SGSM1: variants seen among roughly 807,000 people sequenced by gnomAD.
The protein encoded by SGSM1 is small G protein signaling modulator 1.
Under a neutral mutation model 133.8 loss-of-function variants are expected in SGSM1, and 73 were observed. The ratio of observed to expected loss-of-function variants is 0.55; its 90% CI spans 0.45 to 0.66. The LOEUF is 0.66. Ranked by LOEUF, SGSM1 falls within the 30% of genes least tolerant of loss-of-function variation. SGSM1 has a pLI of 0.00. For missense variants in SGSM1, 1,213 were observed against 1,448.1 expected, an observed-to-expected ratio of 0.84 and a Z score of 2.64; for synonymous variants, 563 against 573.0, an observed-to-expected ratio of 0.98 and a Z score of 0.25.
At chr22:24,817,351 C>CTTT (rs61046307) in intron 2 of SGSM1, among the ~76,000 whole-genome samples, 1 of 149,218 alleles carries the variant, frequency 6.7e-6, no homozygotes, top group Non-Finnish European at 1.5e-5. Context: ...AGATCCTCAG[C>CTTT]TTTTTTTTTC....
At chr22:24,873,718 T>C (rs976021875) in intron 12 of SGSM1, among the ~76,000 whole-genome samples, 1 of 152,260 alleles carries the variant, frequency 6.6e-6, no homozygotes, top group African/African-American at 2.4e-5. Context: ...CTGGCCATGC[T>C]GGCACGTGCG....
intron 2 of SGSM1, among the ~76,000 whole-genome samples, chr22:24,816,931 G>A (rs201971162): frequency 2.6e-5 from 4 of 152,176 alleles, no homozygotes; most frequent in African/African-American, 9.7e-5. Flanking sequence ...CTTGGGATTT[G>A]GTCTCACTGG....
chr22:24,891,690 G>T (rs1932816721), intron 16 of SGSM1, among the ~76,000 whole-genome samples: 1 of 152,136 alleles, frequency 6.6e-6, no homozygotes, highest in Non-Finnish European at 1.5e-5. Flanking sequence ...TTTCATGGGG[G>T]TTGTGGTGGT....
chr22:24,859,421 AACCTGGGGTCAGGG>A (rs2147859601), intron 8 of SGSM1, among the ~76,000 whole-genome samples: 1 of 152,284 alleles, frequency 6.6e-6, no homozygotes, highest in Admixed American at 6.5e-5. Flanking sequence ...GCTCTGAAGG[AACCTGGGGTCAGGG>A]ACCCTGGAGC....
At chr22:24,883,194 G>A (rs970989732) in intron 14 of SGSM1, among the ~76,000 whole-genome samples, 1 of 151,956 alleles carries the variant, frequency 6.6e-6, no homozygotes, top group Non-Finnish European at 1.5e-5. Context: ...ATGAGCCACC[G>A]CGCACGGCCA....
intron 6 of SGSM1, 78 bp downstream of exon 6, chr22:24,855,141 A>C: frequency 2.6e-6 from 4 of 1,555,504 alleles, no homozygotes; most frequent in Non-Finnish European, 3.5e-6. Flanking sequence ...GGACTCTCTC[A>C]CCCCTGTCCA....
In SGSM1 at chr22:24,924,370, T is replaced by TG; in HGVS notation, c.*96_*97insG. 5.8e-6 allele frequency: 6 copies of TG among 1,035,972 alleles called. No homozygotes were observed. The highest frequency in any genetic ancestry group is 8.9e-6 in the Non-Finnish European group (6 of 677,330). The allele number at this position is 1,035,972 out of a possible 1,614,324, so 64.2% of individuals were successfully genotyped here. A position where few individuals can be genotyped will look rare whatever the true frequency, so the allele number is the denominator to read the frequency against. On this transcript the variant is annotated 3_prime_UTR_variant, in exon 25 of 25. Coordinates refer to ENST00000400358, the MANE Select transcript of SGSM1 (RefSeq NM_001098497.3). ...CTGGATGGGCACCCCGGGAGCGGGG[T>TG]CCTGGTGTCTGTTCACAAGCGTGGA... is the stretch of plus-strand genomic sequence containing the variant.
chr22:24,857,394 C>T (rs1430316829), intron 8 of SGSM1, among the ~76,000 whole-genome samples: 4 of 119,412 alleles, frequency 3.3e-5, no homozygotes, highest in East Asian at 4.8e-4. Flanking sequence ...GGCAACAGAG[C>T]GAGACTCTGT....
chr22:24,903,240 G>A (rs995329392), intron 20 of SGSM1, among the ~76,000 whole-genome samples: 6 of 149,714 alleles, frequency 4.0e-5, no homozygotes, highest in Admixed American at 6.7e-5. Flanking sequence ...ATGGAGTCTC[G>A]CTCTGTTGCC....
At chr22:24,863,629 G>C (rs1358190189) in intron 9 of SGSM1, among the ~76,000 whole-genome samples, 1 of 152,188 alleles carries the variant, frequency 6.6e-6, no homozygotes, top group Non-Finnish European at 1.5e-5. Context: ...GTGGGGGTTG[G>C]TGTGTCGGGA....
At chr22:24,825,083 C>T (rs1282874554) in intron 2 of SGSM1, among the ~76,000 whole-genome samples, 1 of 152,104 alleles carries the variant, frequency 6.6e-6, no homozygotes, top group Non-Finnish European at 1.5e-5. Context: ...ATGGGGAGTC[C>T]AGGAAGGCTT....
chr22:24,908,870 T>C (rs906406021), intron 21 of SGSM1, among the ~76,000 whole-genome samples: 5 of 145,702 alleles, frequency 3.4e-5, no homozygotes, highest in African/African-American at 1.0e-4. Context: ...CATTTCTCAA[T>C]AGAATTGAAG....
At position 24,919,846 on chromosome 22, in the gene SGSM1, T is replaced by G. The variant is rs764253203; in HGVS notation, c.3046T>G (p.Phe1016Val). ...GGCAGAACTCGTCTATGATGACGTC[T>G]TCTTGGTCTGGGAGACCATCTGGGC... ...FKRELVYDDV[F>V]LVWETIWAAK... is the part of the protein sequence containing the mutation. The change falls in exon 24 of 25, where the codon TTC (phenylalanine) becomes GTC (valine). Residue 1016 changes from phenylalanine to valine, a missense_variant. By Grantham distance (50) the Phe-to-Val change is conservative (BLOSUM62 -1). Coordinates refer to ENST00000400358, the MANE Select transcript of SGSM1 (RefSeq NM_001098497.3). 1.2e-6 allele frequency: 2 copies of G among 1,614,072 alleles called. No individual in the cohort carries two copies. The highest frequency in any genetic ancestry group is 1.1e-5 in the South Asian group (1 of 91,092).
chr22:24,886,158 C>T (rs1932584940), intron 15 of SGSM1, among the ~76,000 whole-genome samples: 1 of 151,662 alleles, frequency 6.6e-6, no homozygotes, highest in South Asian at 2.1e-4. Flanking sequence ...GGGCGAATCA[C>T]CTGAGATCAG....
Position 24,806,364 on chromosome 22 carries a change from G to A in SGSM1, c.19+20G>A, listed in dbSNP as rs759265873. On this transcript the variant is annotated intron_variant, in intron 1 of 24. Coordinates refer to ENST00000400358, the MANE Select transcript of SGSM1 (RefSeq NM_001098497.3). ...CCGCGGGTAAGAGGCCGCTGGACAC[G>A]AGGGCGGCGGGAGGGCAGCGCCCGG... The A allele has an allele frequency of 2.0e-6, 3 of 1,500,302 alleles. No individual in the cohort carries two copies. The highest frequency in any genetic ancestry group is 2.7e-6 in the Non-Finnish European group (3 of 1,125,396). The allele number at this position is 1,500,302 out of a possible 1,614,324, so 92.9% of individuals were successfully genotyped here. A position where few individuals can be genotyped will look rare whatever the true frequency, so the allele number is the denominator to read the frequency against.
intron 2 of SGSM1, among the ~76,000 whole-genome samples, chr22:24,827,817 C>T (rs144871087): frequency 1.3e-5 from 2 of 152,168 alleles, no homozygotes; most frequent in African/African-American, 4.8e-5. Flanking sequence ...GCTGAGGATT[C>T]GACTCCAAGT....
chr22:24,914,913 G>C (rs1399967480), intron 22 of SGSM1, among the ~76,000 whole-genome samples: 1 of 151,662 alleles, frequency 6.6e-6, no homozygotes. Context: ...GGGGAATTTG[G>C]GGTTTTGTTT....
At chr22:24,809,354 A>G (rs1225357784) in intron 2 of SGSM1, among the ~76,000 whole-genome samples, 2 of 152,236 alleles carry the variant, frequency 1.3e-5, no homozygotes, top group East Asian at 3.8e-4. Context: ...ACTGCATTGT[A>G]TGTACACATA....
chr22:24,814,538 T>A (rs1927951596), intron 2 of SGSM1, among the ~76,000 whole-genome samples: 1 of 147,448 alleles, frequency 6.8e-6, no homozygotes. Context: ...CCACCGAGAG[T>A]GTGGGGTCAG....
Sources: gnomAD v4.1 joint callset for allele counts (sites outside exome capture counted in the v4.1 genomes callset) on GRCh38, gnomAD v4.1.1 for gene constraint, MANE v1.5 for transcripts, NCBI Gene and HGNC (gene_info 2026-07-23, HGNC 2026-07-21) for gene names.